ANKRD44: variants seen among roughly 807,000 people sequenced by gnomAD.
ANKRD44 encodes serine/threonine-protein phosphatase 6 regulatory ankyrin repeat subunit B.
Under a neutral mutation model 116.0 loss-of-function variants are expected in ANKRD44, and 35 were observed. The ratio of observed to expected loss-of-function variants is 0.30; its 90% CI spans 0.23 to 0.40. ANKRD44 has a LOEUF of 0.40. ANKRD44 is among the 10% of genes least tolerant of loss of function. ANKRD44 has a pLI of 1.00. For synonymous variants in ANKRD44, 435 were observed against 461.8 expected (o/e 0.94, Z 0.74); for missense variants, 1,014 against 1,242.6 (o/e 0.82, Z 2.77).
At chr2:197,183,580 T>C (rs975055062) in intron 2 of ANKRD44, among the ~76,000 whole-genome samples, 25 of 152,210 alleles carry the variant, frequency 1.6e-4, no homozygotes, top group South Asian at 8.3e-4. Context: ...CCCAAGGGCA[T>C]TGGCAAAAGA....
chr2:197,194,371 T>C (rs1187422471), intron 1 of ANKRD44, among the ~76,000 whole-genome samples: 1 of 152,246 alleles, frequency 6.6e-6, no homozygotes, highest in Non-Finnish European at 1.5e-5. Flanking sequence ...TAATGGGACC[T>C]GAGATTGTAA....
chr2:197,274,460 C>A (rs371056280), intron 1 of ANKRD44, among the ~76,000 whole-genome samples: 1 of 152,136 alleles, frequency 6.6e-6, no homozygotes, highest in African/African-American at 2.4e-5. Flanking sequence ...CAGAGAGCCA[C>A]CTCACCTGAG....
At chr2:197,002,247 G>A (rs1006312005) in intron 21 of ANKRD44, among the ~76,000 whole-genome samples, 1 of 152,152 alleles carries the variant, frequency 6.6e-6, no homozygotes, top group Non-Finnish European at 1.5e-5. Context: ...GTGGAGAGGC[G>A]AAACTGTGAT....
intron 9 of ANKRD44, among the ~76,000 whole-genome samples, chr2:197,108,656 A>G (rs775790129): frequency 1.3e-5 from 2 of 152,118 alleles, no homozygotes; most frequent in Non-Finnish European, 2.9e-5. Context: ...TGGTCAACAC[A>G]TGGCAAAACC....
intron 1 of ANKRD44, among the ~76,000 whole-genome samples, chr2:197,270,962 A>G (rs2082881850): frequency 6.6e-6 from 1 of 152,172 alleles, no homozygotes; most frequent in African/African-American, 2.4e-5. Context: ...TCATACACAT[A>G]TATACACACA....
chr2:197,285,578 C>T (rs906019317), intron 1 of ANKRD44, among the ~76,000 whole-genome samples: 1 of 152,088 alleles, frequency 6.6e-6, no homozygotes, highest in African/African-American at 2.4e-5. Flanking sequence ...AAGCTAAATC[C>T]TTTTGTGGCT....
In ANKRD44 at chr2:196,989,523, C is replaced by CACAT. The variant is rs1553612141; in HGVS notation, c.*67_*68insATGT. ...GGCTGATGAACTACACACACACACA[C>CACAT]ATATATATATATATACACACGCACA... On this transcript the variant is annotated 3_prime_UTR_variant, in exon 28 of 28. Coordinates refer to ENST00000282272, the MANE Select transcript of ANKRD44 (RefSeq NM_001195144.2). 135,916 of 1,247,104 alleles carry CACAT rather than the reference C, an allele frequency of 0.11. 1,284 individuals are homozygous for CACAT. Among genetic ancestry groups the CACAT allele is most frequent in the Non-Finnish European group, 0.13 (117,651 of 934,258 alleles). 77.3% of individuals were successfully genotyped at this position (1,247,104 alleles called of 1,614,324 possible).
chr2:197,146,048 C>T (rs1273659845), intron 3 of ANKRD44, among the ~76,000 whole-genome samples: 1 of 152,136 alleles, frequency 6.6e-6, no homozygotes. Context: ...GTTTTGGAAA[C>T]CTGTTTGGTG....
rs2081339133 is a variant in ANKRD44 at position 197,212,052 on chromosome 2, T to TCTCA, written c.28-24947_28-24946insTGAG. On this transcript the variant is annotated intron_variant, in intron 1 of 27. Transcript: ENST00000282272. This position sits in a 1 kb window ranked among gnomAD's most constrained non-coding sequence, Gnocchi z 4.8. Reference sequence around the variant, plus strand: ...CTCTCTCTCTCAGTCTCTCTCTCTCTCACACACACACACACACACACACCC... The same window carrying TCTCA: ...CTCTCTCTCTCAGTCTCTCTCTCTCTCTCACACACACACACACACACACACACCC... Among the ~76,000 whole-genome samples, 16 of 148,008 alleles carry TCTCA rather than the reference T, an allele frequency of 1.1e-4. No homozygotes were observed. The highest frequency in any genetic ancestry group is 2.2e-4 in the South Asian group (1 of 4,626).
chr2:197,263,293 C>A, intron 1 of ANKRD44: 1 of 649,914 alleles, frequency 1.5e-6, no homozygotes, highest in Non-Finnish European at 2.8e-6. Context: ...GCTTGGAAAG[C>A]AGCGCCATTT....
At chr2:197,193,825 T>G (rs1289022404) in intron 1 of ANKRD44, among the ~76,000 whole-genome samples, 1 of 151,994 alleles carries the variant, frequency 6.6e-6, no homozygotes, top group Non-Finnish European at 1.5e-5. Context: ...GAGCTTGCAG[T>G]GAGCCGAGAT....
intron 1 of ANKRD44, among the ~76,000 whole-genome samples, chr2:197,280,610 G>T (rs528667403): frequency 1.3e-5 from 2 of 152,334 alleles, no homozygotes; most frequent in Admixed American, 1.3e-4. Context: ...TTGAGCAACC[G>T]CTGTACAATA....
intron 16 of ANKRD44, among the ~76,000 whole-genome samples, chr2:197,066,427 A>G (rs2077434981): frequency 6.6e-6 from 1 of 152,196 alleles, no homozygotes; most frequent in Non-Finnish European, 1.5e-5. Flanking sequence ...ACAGTGTTGG[A>G]AGTTCTGGCC....
intron 13 of ANKRD44, 110 bp downstream of exon 13, chr2:197,086,570 C>T: frequency 1.0e-6 from 1 of 959,540 alleles, no homozygotes; most frequent in East Asian, 2.6e-5. Context: ...AGGATGGAAT[C>T]CCCCCAGCTA....
chr2:197,215,696 T>G (rs1335479212), intron 1 of ANKRD44, among the ~76,000 whole-genome samples: 1 of 152,216 alleles, frequency 6.6e-6, no homozygotes, highest in African/African-American at 2.4e-5. Flanking sequence ...TTAAATGATA[T>G]ATATTTAAGC....
intron 3 of ANKRD44, among the ~76,000 whole-genome samples, chr2:197,142,633 T>G (rs1033172882): frequency 1.3e-5 from 2 of 152,152 alleles, no homozygotes; most frequent in African/African-American, 4.8e-5. Context: ...TGCACCACAT[T>G]TGTAGGCCAA....
chr2:197,110,949 C>CATTT (rs949790769), intron 8 of ANKRD44, 105 bp from the exon 9 acceptor site: 16 of 784,988 alleles, frequency 2.0e-5, no homozygotes, highest in African/African-American at 1.2e-4. Flanking sequence ...TGAAAACATT[C>CATTT]ATTTATTTAT....
intron 1 of ANKRD44, among the ~76,000 whole-genome samples, chr2:197,241,910 C>G (rs1006018685): frequency 6.6e-6 from 1 of 152,058 alleles, no homozygotes; most frequent in African/African-American, 2.4e-5. Context: ...AATACTTGTA[C>G]AATATTAATC....
rs186860323 is a variant in ANKRD44, at chr2:197,049,081, C to T, written c.1651-23814G>A. On this transcript the variant is annotated intron_variant, in intron 16 of 27. Transcript: ENST00000282272. ...GTTCTTTGTAGATTCTGGATATTAG[C>T]CCTTTGTCAGATGGGTAGATTGCAA... is the stretch of plus-strand genomic sequence containing the variant. 3.6e-4 allele frequency among the ~76,000 whole-genome samples: 54 copies of T among 152,090 alleles called. No individual in the cohort carries two copies. In the East Asian group the frequency reaches 0.01, roughly 28 times the overall value.
Sources: gnomAD v4.1 joint callset for allele counts (sites outside exome capture counted in the v4.1 genomes callset) on GRCh38, gnomAD v4.1.1 for gene constraint, Gnocchi (gnomAD v3.1) non-coding constraint, MANE v1.5 for transcripts, NCBI Gene and HGNC (gene_info 2026-07-23, HGNC 2026-07-21) for gene names.